The following LCLAT1 variants were observed in gnomAD, a reference collection of about 807,000 sequenced individuals.
The protein encoded by LCLAT1 is 1-AGP acyltransferase 8.
In LCLAT1, 11 loss-of-function variants were observed where a neutral mutation model predicts 30.7. The ratio of observed to expected loss-of-function variants is 0.36; its 90% CI spans 0.23 to 0.59. LCLAT1 has a LOEUF of 0.59. Ranked by LOEUF, LCLAT1 falls within the 20% of genes least tolerant of loss-of-function variation. The pLI is 0.77. For missense variants in LCLAT1, 402 were observed against 458.6 expected, an observed-to-expected ratio of 0.88 and a Z score of 1.13; for synonymous variants, 155 against 151.3, an observed-to-expected ratio of 1.02 and a Z score of -0.18.
rs531030659 is a variant in LCLAT1, at chr2:30,639,488, T to G, written c.629-629T>G. On this transcript the variant is annotated intron_variant, in intron 5 of 5. Coordinates refer to ENST00000379509, the MANE Select transcript of LCLAT1 (RefSeq NM_001002257.3). ...TTATTTATCTATTTATTTTTAAAGA[T>G]GGAGTCTCACTGTATTGTCCAGGCT... 1.2e-4 allele frequency among the ~76,000 whole-genome samples: 19 copies of G among 152,304 alleles called. No homozygotes were observed. The East Asian group carries it at 2.5e-3, about 20-fold the overall frequency.
In LCLAT1 at chr2:30,568,083, G is replaced by A; in HGVS notation, c.535G>A (p.Ala179Thr). The A allele has an allele frequency of 6.3e-7, 1 of 1,584,338 alleles. No individual in the cohort carries two copies. The highest frequency in any genetic ancestry group is 8.6e-7 in the Non-Finnish European group (1 of 1,157,462). ...LTENSKSRSN[A>T]FAEKNGLQKY... is the part of the protein sequence containing the mutation. ...AGAAAACAGCAAGTCTCGAAGTAAT[G>A]CATTTGCTGAAAAAAATGGACTTCA... is the stretch of plus-strand genomic sequence containing the variant. The change falls in exon 5 of 6, where the codon GCA becomes ACA. Residue 179 changes from alanine to threonine, a missense_variant. Ala to Thr is a moderately conservative substitution (Grantham distance 58, BLOSUM62 0). Coordinates refer to ENST00000379509, the MANE Select transcript of LCLAT1 (RefSeq NM_001002257.3).
chr2:30,595,893 A>AG (rs371932617), intron 5 of LCLAT1, among the ~76,000 whole-genome samples: 5 of 151,992 alleles, frequency 3.3e-5, no homozygotes, highest in African/African-American at 7.2e-5. Context: ...GAGAACATGT[A>AG]GTGTTTTCTG....
At chr2:30,458,228 A>G (rs1234425385) in intron 1 of LCLAT1, among the ~76,000 whole-genome samples, 1 of 152,240 alleles carries the variant, frequency 6.6e-6, no homozygotes, top group African/African-American at 2.4e-5. Context: ...GTGAGCAGTT[A>G]GTTAGAATAG....
chr2:30,472,965 A>G lies in LCLAT1; in HGVS notation c.-5+25582A>G, dbSNP rs76490342. On this transcript the variant is annotated intron_variant, in intron 1 of 5. Transcript: ENST00000379509. ...AGTGTGTTGCAACTATTTTTGCATTAAATCATAATTATGCCTTTCTGTCTT... is the reference window on the plus strand; with the variant it reads ...AGTGTGTTGCAACTATTTTTGCATTGAATCATAATTATGCCTTTCTGTCTT... 2.8e-3 allele frequency among the ~76,000 whole-genome samples: 421 copies of G among 152,296 alleles called. 3 individuals are homozygous for G. The highest frequency in any genetic ancestry group is 9.6e-3 in the African/African-American group (399 of 41,564).
At chr2:30,620,533 T>G (rs1668193870) in intron 5 of LCLAT1, among the ~76,000 whole-genome samples, 1 of 152,218 alleles carries the variant, frequency 6.6e-6, no homozygotes, top group Admixed American at 6.5e-5. Context: ...CAGACAGATT[T>G]AGAAAATTAG....
chr2:30,516,212 C>G (rs555293152), intron 1 of LCLAT1, among the ~76,000 whole-genome samples: 1 of 152,246 alleles, frequency 6.6e-6, no homozygotes, highest in South Asian at 2.1e-4. Flanking sequence ...GTGGCAACCC[C>G]CTTTGGATCC....
At chr2:30,480,130 G>A (rs1279866754) in intron 1 of LCLAT1, among the ~76,000 whole-genome samples, 1 of 152,128 alleles carries the variant, frequency 6.6e-6, no homozygotes, top group Non-Finnish European at 1.5e-5. Flanking sequence ...TGTTGTATTA[G>A]TATTCTGTTT....
intron 1 of LCLAT1, among the ~76,000 whole-genome samples, chr2:30,479,466 A>G (rs925262845): frequency 1.3e-5 from 2 of 152,068 alleles, no homozygotes; most frequent in African/African-American, 4.8e-5. Flanking sequence ...AGGCTGGTCT[A>G]GAACTCCTGG....
At chr2:30,568,867 A>AAAAAG (rs1665641527) in intron 5 of LCLAT1, among the ~76,000 whole-genome samples, 1 of 142,708 alleles carries the variant, frequency 7.0e-6, no homozygotes, top group African/African-American at 2.8e-5. Context: ...TGAATAGCAA[A>AAAAAG]AAAAAAAAAA....
intron 5 of LCLAT1, among the ~76,000 whole-genome samples, chr2:30,625,066 C>T (rs1425923745): frequency 6.6e-6 from 1 of 152,078 alleles, no homozygotes; most frequent in African/African-American, 2.4e-5. Flanking sequence ...AGTGATAGAA[C>T]CTATCAAAAC....
At chr2:30,543,476 T>C (rs1664248838) in intron 3 of LCLAT1, among the ~76,000 whole-genome samples, 2 of 152,160 alleles carry the variant, frequency 1.3e-5, no homozygotes, top group African/African-American at 2.4e-5. Flanking sequence ...CTTGCGTGTT[T>C]TCTGTTAAGA....
At chr2:30,569,656 A>G (rs1665684143) in intron 5 of LCLAT1, among the ~76,000 whole-genome samples, 1 of 152,230 alleles carries the variant, frequency 6.6e-6, no homozygotes, top group African/African-American at 2.4e-5. Context: ...TTAGGATTTA[A>G]TATACTTTAA....
chr2:30,511,850 C>T lies in LCLAT1; in HGVS notation c.-4-13737C>T, dbSNP rs531397501. 2.6e-5 allele frequency among the ~76,000 whole-genome samples: 4 copies of T among 152,314 alleles called. No homozygotes were observed. The East Asian group carries it at 7.7e-4, about 29-fold the overall frequency. ...AGAGAGAAGGGAATCTAGGAATCCA[C>T]CTGCCCCTCACTCATTACCTAATCC... On this transcript the variant is annotated intron_variant, in intron 1 of 5. Coordinates refer to ENST00000379509, the MANE Select transcript of LCLAT1 (RefSeq NM_001002257.3).
At chr2:30,605,852 T>TG (rs1667413452) in intron 5 of LCLAT1, among the ~76,000 whole-genome samples, 1 of 151,490 alleles carries the variant, frequency 6.6e-6, no homozygotes, top group Admixed American at 6.6e-5. Flanking sequence ...GGGGAGGGAG[T>TG]GGGGGGATGG....
At chr2:30,520,513 T>G (rs1685424930) in intron 1 of LCLAT1, among the ~76,000 whole-genome samples, 1 of 152,230 alleles carries the variant, frequency 6.6e-6, no homozygotes, top group African/African-American at 2.4e-5. Flanking sequence ...CCAGTTTTGT[T>G]ATTTACTAGC....
intron 3 of LCLAT1, among the ~76,000 whole-genome samples, chr2:30,546,873 A>T (rs1558510991): frequency 6.6e-6 from 1 of 151,998 alleles, no homozygotes; most frequent in Non-Finnish European, 1.5e-5. Context: ...AATTCAACAC[A>T]ATTTCATGCT....
chr2:30,466,096 T>C (rs1055507237), intron 1 of LCLAT1, among the ~76,000 whole-genome samples: 21 of 152,152 alleles, frequency 1.4e-4, no homozygotes, highest in African/African-American at 5.1e-4. Context: ...TTATTAAAAA[T>C]GATTAAATTT....
At position 30,578,170 on chromosome 2, in the gene LCLAT1, A is replaced by G. The variant is rs550971841; in HGVS notation, c.628+9994A>G. On this transcript the variant is annotated intron_variant, in intron 5 of 5. Transcript: ENST00000379509. ...GTGCTTTGGATTAATTTTGCATTGT[A>G]TAAATGTAGTCTGAAAATAATTTGG... Among the ~76,000 whole-genome samples the G allele has an allele frequency of 5.2e-4, 79 of 152,254 alleles. 1 individual carries two copies. The South Asian group carries it at 0.016, about 30-fold the overall frequency.
At position 30,562,285 on chromosome 2, in the gene LCLAT1, T is replaced by A; in HGVS notation, c.504T>A (p.Asp168Glu). Residue 168 changes from aspartate (D) to glutamate (E), a missense_variant, in exon 4 of 6, where the codon GAT (aspartate) becomes GAA (glutamate). By Grantham distance (45) the Asp-to-Glu change is conservative (BLOSUM62 2). Coordinates refer to ENST00000379509, the MANE Select transcript of LCLAT1 (RefSeq NM_001002257.3). The part of the protein sequence containing the change: ...LQLLIFPEGT[D>E]LTENSKSRSN... Reference sequence around the variant, plus strand: ...TCCTCATATTCCCAGAAGGGACTGATCTCACAGGTAATGTAGCCTGGGTTT... The same window carrying A: ...TCCTCATATTCCCAGAAGGGACTGAACTCACAGGTAATGTAGCCTGGGTTT... The A allele has an allele frequency of 6.2e-7, 1 of 1,606,596 alleles. No individual in the cohort carries two copies. Among genetic ancestry groups the A allele is most frequent in the Non-Finnish European group, 8.5e-7 (1 of 1,175,036 alleles).
Sources: gnomAD v4.1 joint callset for allele counts (sites outside exome capture counted in the v4.1 genomes callset) on GRCh38, gnomAD v4.1.1 for gene constraint, MANE v1.5 for transcripts, NCBI Gene and HGNC (gene_info 2026-07-23, HGNC 2026-07-21) for gene names.